FAM227A: variants seen among roughly 807,000 people sequenced by gnomAD.
FAM227A encodes family with sequence similarity 227 member A.
In FAM227A, 80 loss-of-function variants were observed where a neutral mutation model predicts 74.7. That is an observed-to-expected ratio of 1.07 (90% CI 0.89 to 1.29). FAM227A has a LOEUF of 1.29. FAM227A is among the 50% of genes most tolerant of loss of function. The pLI, the probability that FAM227A is intolerant of heterozygous loss-of-function variation, is 0.00. For missense variants in FAM227A, 654 were observed against 683.4 expected, an observed-to-expected ratio of 0.96 and a Z score of 0.48; for synonymous variants, 237 against 241.8, an observed-to-expected ratio of 0.98 and a Z score of 0.19.
At chr22:38,623,802 T>C (rs529121715) in intron 9 of FAM227A, among the ~76,000 whole-genome samples, 1 of 152,338 alleles carries the variant, frequency 6.6e-6, no homozygotes, top group East Asian at 1.9e-4. Context: ...TGGCACATAA[T>C]AAATACAGTA....
intron 14 of FAM227A, 47 bp from the exon 15 acceptor site, chr22:38,597,403 A>C: frequency 7.8e-6 from 12 of 1,539,724 alleles, no homozygotes; most frequent in Non-Finnish European, 9.7e-6. Context: ...AACTGTGTTG[A>C]CGCTGCATTA....
Position 38,631,856 on chromosome 22 carries a change from C to T in FAM227A, c.520-2921G>A, listed in dbSNP as rs200986581. ...AGATCCCTGGTGGCAGTGTACAAGA[C>T]GCACTGGAGGGGATTAGAACTGCAA... On this transcript the variant is annotated intron_variant, in intron 6 of 16. Coordinates refer to ENST00000535113, the MANE Select transcript of FAM227A (RefSeq NM_001013647.2). 1.6e-3 allele frequency among the ~76,000 whole-genome samples: 244 copies of T among 152,276 alleles called. 1 individual carries two copies. Among genetic ancestry groups the T allele is most frequent in the African/African-American group, 5.4e-3 (224 of 41,544 alleles).
At position 38,628,847 on chromosome 22, in the gene FAM227A, T is replaced by C. The variant is rs767514840; in HGVS notation, c.608A>G (p.His203Arg). ...ATTTGTATTTACCTGGTACCTCTCA[T>C]GAAATATCCACCAAAAGCTATCCAG... ...IWLDSFWWIF[H>R]ERYQPNKELQ... Residue 203 changes from histidine (H) to arginine (R), a missense_variant, in exon 7 of 17, where the codon CAT (histidine) becomes CGT (arginine). Transcript: ENST00000535113. 18 of 1,531,914 alleles carry C rather than the reference T, an allele frequency of 1.2e-5. No homozygotes were observed. The East Asian group carries it at 1.7e-4, about 15-fold the overall frequency. The allele number at this position is 1,531,914 out of a possible 1,614,324, so 94.9% of individuals were successfully genotyped here.
intron 14 of FAM227A, 26 bp from the exon 15 acceptor site, chr22:38,597,382 C>T (rs2091070372): frequency 1.3e-6 from 2 of 1,550,958 alleles, no homozygotes; most frequent in Middle Eastern, 1.7e-4. Flanking sequence ...AAGGAAATCC[C>T]CGTACTGTGG....
chr22:38,613,411 ATG>A (rs1419177449), intron 11 of FAM227A, among the ~76,000 whole-genome samples: 2 of 26,166 alleles, frequency 7.6e-5, no homozygotes, highest in African/African-American at 1.9e-4. Flanking sequence ...TATAATATAT[ATG>A]ATATATATAA....
intron 15 of FAM227A, 81 bp downstream of exon 15, chr22:38,597,123 A>G: frequency 7.2e-7 from 1 of 1,388,444 alleles, no homozygotes; most frequent in African/African-American, 1.4e-5. Flanking sequence ...CTGCCCCACC[A>G]ACCCATTTAA....
chr22:38,597,449 CATGGAGG>C, intron 14 of FAM227A, 93 bp from the exon 15 acceptor site: 1 of 1,249,684 alleles, frequency 8.0e-7, no homozygotes. Context: ...GGAAGAGGGG[CATGGAGG>C]ACAGAACAGG....
chr22:38,606,276 C>T (rs2091280441), intron 12 of FAM227A, among the ~76,000 whole-genome samples: 1 of 152,120 alleles, frequency 6.6e-6, no homozygotes, highest in South Asian at 2.1e-4. Flanking sequence ...AAGTGATCCT[C>T]CCACCTCAAC....
intron 13 of FAM227A, among the ~76,000 whole-genome samples, chr22:38,601,720 A>G (rs2091182738): frequency 6.6e-6 from 1 of 152,104 alleles, no homozygotes; most frequent in South Asian, 2.1e-4. Flanking sequence ...GAGCAAATTT[A>G]CAACATATGA....
chr22:38,646,955 C>T (rs1013190557), intron 2 of FAM227A, among the ~76,000 whole-genome samples: 2 of 150,436 alleles, frequency 1.3e-5, no homozygotes, highest in Non-Finnish European at 3.0e-5. Flanking sequence ...TTGAGACCAG[C>T]CTGGCCAGCA....
chr22:38,641,978 C>T (rs1295283822), intron 3 of FAM227A, among the ~76,000 whole-genome samples: 1 of 145,490 alleles, frequency 6.9e-6, no homozygotes, highest in Admixed American at 7.0e-5. Context: ...TGTGTGTGCG[C>T]ACGTGTGTGT....
chr22:38,611,202 A>G (rs1343190442), intron 11 of FAM227A, among the ~76,000 whole-genome samples: 1 of 152,206 alleles, frequency 6.6e-6, no homozygotes, highest in East Asian at 1.9e-4. Flanking sequence ...CCATCCCAGC[A>G]TAGAGGAGAT....
At chr22:38,604,717 G>A (rs191458076) in intron 13 of FAM227A, among the ~76,000 whole-genome samples, 253 of 152,180 alleles carry the variant, frequency 1.7e-3, no homozygotes, top group Non-Finnish European at 2.8e-3. Flanking sequence ...GCAGTGGCGC[G>A]ATCTTAGCTC....
At chr22:38,618,760 G>A (rs1273368029) in intron 11 of FAM227A, among the ~76,000 whole-genome samples, 1 of 152,130 alleles carries the variant, frequency 6.6e-6, no homozygotes. Flanking sequence ...TCTGCAAAAA[G>A]CCAGATGATA....
In FAM227A at chr22:38,623,281, T is replaced by C; in HGVS notation, c.851-2A>G. ...AGCTCTGTGGGCTAGGATAGGTGCC[T>C]AAGGGAGGAGTCAAGAGTGAGAATG... On this transcript the variant is annotated splice_acceptor_variant, in intron 9 of 16. Transcript: ENST00000535113. LOFTEE classifies it high-confidence loss of function. 1 of 1,547,770 alleles carries C rather than the reference T, an allele frequency of 6.5e-7. No homozygotes were observed. The highest frequency in any genetic ancestry group is 8.7e-7 in the Non-Finnish European group (1 of 1,143,486).
Position 38,586,014 on chromosome 22 carries a change from T to C in FAM227A, c.*111A>G. The C allele has an allele frequency of 3.2e-6, 5 of 1,542,284 alleles. No homozygotes were observed. Among genetic ancestry groups the C allele is most frequent in the Non-Finnish European group, 4.4e-6 (5 of 1,142,892 alleles). On this transcript the variant is annotated 3_prime_UTR_variant, in exon 17 of 17. Transcript: ENST00000535113. Reference sequence around the variant, plus strand: ...CCTTCCCCTATGGAGAAATCATGATTCCTATTTCTGTCTTTGGCCACAATT... The same window carrying C: ...CCTTCCCCTATGGAGAAATCATGATCCCTATTTCTGTCTTTGGCCACAATT...
In FAM227A at chr22:38,623,266, G is replaced by A; in HGVS notation, c.864C>T (p.Ser288=). Residue 288 remains serine (S), a synonymous_variant, in exon 10 of 17, where the codon AGC becomes AGT. Coordinates refer to ENST00000535113, the MANE Select transcript of FAM227A (RefSeq NM_001013647.2). ...MSLWISGTYP[S]PQSYDSWDYS... ...AGTCCCAGCTGTCATAGCTCTGTGG[G>A]CTAGGATAGGTGCCTAAGGGAGGAG... is the stretch of plus-strand genomic sequence containing the variant. 2 of 1,551,104 alleles carry A rather than the reference G, an allele frequency of 1.3e-6. No homozygotes were observed. Among genetic ancestry groups the A allele is most frequent in the Non-Finnish European group, 1.7e-6 (2 of 1,146,466 alleles).
chr22:38,597,187 C>T lies in FAM227A; in HGVS notation c.1532+17G>A. 1 of 1,551,782 alleles carries T rather than the reference C, an allele frequency of 6.4e-7. No individual in the cohort carries two copies. Reference sequence around the variant, plus strand: ...ATAAGTGCGGAACAACGGCATTCCCCAAAGCCCCTTCCATACCTGGAGAAG... The same window carrying T: ...ATAAGTGCGGAACAACGGCATTCCCTAAAGCCCCTTCCATACCTGGAGAAG... On this transcript the variant is annotated intron_variant, in intron 15 of 16. Coordinates refer to ENST00000535113, the MANE Select transcript of FAM227A (RefSeq NM_001013647.2).
rs1555959758 is a variant in FAM227A, at chr22:38,613,116, T to TATAATTATATA, written c.1039-5641_1039-5640insTATATAATTAT. On this transcript the variant is annotated intron_variant, in intron 11 of 16. Transcript: ENST00000535113. Reference sequence around the variant, plus strand: ...TATATTATATATAATTATATATATATTATATATAATTATATATATAATATA... The same window carrying TATAATTATATA: ...TATATTATATATAATTATATATATATATAATTATATATATATATAATTATATATATAATATA... Among the ~76,000 whole-genome samples the TATAATTATATA allele has an allele frequency of 1.3e-3, 120 of 91,126 alleles. 1 individual carries two copies. The highest frequency in any genetic ancestry group is 5.6e-3 in the African/African-American group (118 of 21,026). 59.8% of individuals were successfully genotyped at this position (91,126 alleles called of 152,430 possible). A position where few individuals can be genotyped will look rare whatever the true frequency, so the allele number is the denominator to read the frequency against.
Sources: allele counts gnomAD v4.1 joint callset (sites outside exome capture counted in the v4.1 genomes callset), GRCh38; gene constraint gnomAD v4.1.1; transcripts MANE v1.5; gene names NCBI Gene and HGNC (gene_info 2026-07-23, HGNC 2026-07-21).